Variants in CAST observed in about 807,000 individuals in gnomAD.
CAST encodes the protein calpastatin.
Under a neutral mutation model 119.6 loss-of-function variants are expected in CAST, and 76 were observed. The observed-to-expected ratio is 0.64, with a 90% CI of 0.53 to 0.77. The LOEUF is 0.77. Ranked by LOEUF, CAST falls within the 30% of genes least tolerant of loss-of-function variation. The pLI, the probability that CAST is intolerant of heterozygous loss-of-function variation, is 0.00. For missense variants in CAST, 953 were observed against 946.5 expected, an observed-to-expected ratio of 1.01 and a Z score of -0.09; for synonymous variants, 319 against 331.6, an observed-to-expected ratio of 0.96 and a Z score of 0.41.
At chr5:96,491,257 G>A in the CAST span, among the ~76,000 whole-genome samples, 12 of 151,498 alleles carry the variant, frequency 7.9e-5, no homozygotes, top group African/African-American at 2.7e-4. Flanking sequence ...AGGCCGAGGC[G>A]GGTGGATCAC....
At chr5:96,143,130 A>ACAATT in the CAST span, among the ~76,000 whole-genome samples, 1 of 152,240 alleles carries the variant, frequency 6.6e-6, no homozygotes, top group African/African-American at 2.4e-5. Context: ...GCTGTAAAAG[A>ACAATT]CAATTCAATG....
the CAST span, among the ~76,000 whole-genome samples, chr5:95,962,524 A>C: frequency 9.2e-5 from 14 of 151,842 alleles, no homozygotes; most frequent in African/African-American, 3.4e-4. Context: ...AAAAACAAAA[A>C]CCCTTGAAAT....
chr5:96,198,333 A>G, the CAST span, among the ~76,000 whole-genome samples: 26 of 152,128 alleles, frequency 1.7e-4, no homozygotes, highest in Non-Finnish European at 3.4e-4. Context: ...TAAAAGAAAT[A>G]TGCCCTTTCC....
chr5:96,205,397 G>A, the CAST span, among the ~76,000 whole-genome samples: 1 of 152,054 alleles, frequency 6.6e-6, no homozygotes, highest in Non-Finnish European at 1.5e-5. Context: ...GGAGGGTAGT[G>A]TACATATGAT....
the CAST span, among the ~76,000 whole-genome samples, chr5:96,493,162 G>A: frequency 2.0e-5 from 3 of 152,098 alleles, no homozygotes; most frequent in Non-Finnish European, 4.4e-5. Flanking sequence ...GGAAAAAGTG[G>A]TTACCATTCA....
chr5:96,296,059 C>G, the CAST span, among the ~76,000 whole-genome samples: 1,164 of 152,226 alleles, frequency 7.6e-3, 12 homozygotes, highest in African/African-American at 0.027. Context: ...AATATAAATG[C>G]TATAAAATTC....
chr5:95,962,599 C>A, the CAST span, among the ~76,000 whole-genome samples: 1 of 152,104 alleles, frequency 6.6e-6, no homozygotes, highest in Non-Finnish European at 1.5e-5. Flanking sequence ...AGGACAAAAT[C>A]ACGCGGGAGG....
intron 1 of CAST, among the ~76,000 whole-genome samples, chr5:96,561,095 C>T (rs185768132): frequency 1.3e-5 from 2 of 150,524 alleles, no homozygotes; most frequent in African/African-American, 2.4e-5. Flanking sequence ...AGCAAACTAT[C>T]GCAAGGACAA....
chr5:96,243,255 C>A, the CAST span, among the ~76,000 whole-genome samples: 1 of 150,836 alleles, frequency 6.6e-6, no homozygotes, highest in Non-Finnish European at 1.5e-5. Context: ...TAACTAAATG[C>A]CTTTTTTCTC....
At chr5:96,732,571 C>G (rs554894148) in intron 9 of CAST, among the ~76,000 whole-genome samples, 1 of 150,550 alleles carries the variant, frequency 6.6e-6, no homozygotes, top group South Asian at 2.1e-4. Context: ...GACATGAAGT[C>G]CTTGCCCATG....
intron 12 of CAST, among the ~76,000 whole-genome samples, 182 bp downstream of exon 12, chr5:96,740,300 G>A (rs1762414718): frequency 6.6e-6 from 1 of 152,172 alleles, no homozygotes; most frequent in Non-Finnish European, 1.5e-5. Flanking sequence ...ACAGATCGGG[G>A]CATAAACAAG....
the CAST span, among the ~76,000 whole-genome samples, chr5:96,495,032 CG>C: frequency 6.6e-6 from 1 of 150,748 alleles, no homozygotes; most frequent in Non-Finnish European, 1.5e-5. Flanking sequence ...GCAGTAAAAT[CG>C]CTTGAACCCG....
chr5:96,703,766 C>A (rs1223344930), intron 3 of CAST, among the ~76,000 whole-genome samples: 4 of 152,200 alleles, frequency 2.6e-5, no homozygotes, highest in Non-Finnish European at 4.4e-5. Context: ...AAAGTTCCTG[C>A]TGTTTCACAT....
the CAST span, chr5:96,412,241 A>T: frequency 1.7e-6 from 2 of 1,200,562 alleles, no homozygotes; most frequent in African/African-American, 3.0e-5. Flanking sequence ...ATTCCATGTA[A>T]CCTAAGTGTT....
At chr5:96,285,206 A>G in the CAST span, among the ~76,000 whole-genome samples, 1 of 152,234 alleles carries the variant, frequency 6.6e-6, no homozygotes, top group Non-Finnish European at 1.5e-5. Context: ...ATATAACAAC[A>G]CAGACTAAAG....
chr5:96,759,582 A>G (rs907372803), intron 24 of CAST, among the ~76,000 whole-genome samples: 2 of 152,082 alleles, frequency 1.3e-5, no homozygotes, highest in Non-Finnish European at 2.9e-5. Flanking sequence ...GCCACCAAAA[A>G]CAAAGTAGCA....
At chr5:96,168,736 G>T in the CAST span, among the ~76,000 whole-genome samples, 2 of 152,302 alleles carry the variant, frequency 1.3e-5, no homozygotes, top group South Asian at 4.1e-4. Flanking sequence ...ATGGGGGTCA[G>T]GTGTGGTATC....
chr5:96,312,546 T>A, the CAST span, among the ~76,000 whole-genome samples: 1 of 152,102 alleles, frequency 6.6e-6, no homozygotes, highest in East Asian at 1.9e-4. Context: ...GAAATGTGTT[T>A]TTGAGAGGTA....
the CAST span, among the ~76,000 whole-genome samples, chr5:96,000,877 T>G: frequency 6.6e-6 from 1 of 152,198 alleles, no homozygotes; most frequent in Non-Finnish European, 1.5e-5. Flanking sequence ...GCAATTGATA[T>G]TCTTAGAGTG....
Sources: gnomAD v4.1 joint callset for allele counts (sites outside exome capture counted in the v4.1 genomes callset) on GRCh38, gnomAD v4.1.1 for gene constraint, MANE v1.5 for transcripts, NCBI Gene and HGNC (gene_info 2026-07-23, HGNC 2026-07-21) for gene names.